Variants in CPEB1 observed in about 807,000 individuals in gnomAD.
The protein encoded by CPEB1 is cytoplasmic polyadenylation element-binding protein 1.
In CPEB1, 7 loss-of-function variants were observed where a neutral mutation model predicts 65.8. The ratio of observed to expected loss-of-function variants is 0.11; its 90% CI spans 0.06 to 0.20. The LOEUF is 0.20. CPEB1 is among the 10% of genes least tolerant of loss of function. The pLI, the probability that CPEB1 is intolerant of heterozygous loss-of-function variation, is 1.00. For missense variants in CPEB1, 551 were observed against 712.2 expected (o/e 0.77, Z 2.58); for synonymous variants, 262 against 260.0 (o/e 1.01, Z -0.08).
chr15:82,629,740 T>G (rs1423168318), intron 1 of CPEB1: 1 of 985,286 alleles, frequency 1.0e-6, no homozygotes, highest in Non-Finnish European at 1.2e-6. Flanking sequence ...ACTTAATATC[T>G]CATAAGCTGG....
chr15:82,618,216 T>G (rs1335053804), intron 3 of CPEB1, among the ~76,000 whole-genome samples: 1 of 152,102 alleles, frequency 6.6e-6, no homozygotes, highest in Admixed American at 6.6e-5. Context: ...AGTTTGACAG[T>G]TTCAGTTATT....
At chr15:82,548,641 C>G (rs1165981586) in intron 10 of CPEB1, 1 of 440,670 alleles carries the variant, frequency 2.3e-6, no homozygotes, top group Non-Finnish European at 4.6e-6. Flanking sequence ...AGCAGTTGAA[C>G]TGAACCTCTC....
chr15:82,566,323 C>A (rs868489186), intron 4 of CPEB1, among the ~76,000 whole-genome samples: 8 of 152,146 alleles, frequency 5.3e-5, no homozygotes, highest in South Asian at 2.1e-4. Context: ...AAAATCCAGA[C>A]CAGGAGCCAT....
chr15:82,598,361 G>A (rs921353155), intron 3 of CPEB1, among the ~76,000 whole-genome samples: 4 of 151,990 alleles, frequency 2.6e-5, no homozygotes, highest in Non-Finnish European at 5.9e-5. Context: ...GGGCATGGTG[G>A]CGCACACCTG....
intron 3 of CPEB1, among the ~76,000 whole-genome samples, chr15:82,594,543 C>T (rs1002588197): frequency 2.6e-5 from 4 of 152,150 alleles, no homozygotes; most frequent in Admixed American, 2.6e-4. Context: ...TCTATCTCGA[C>T]TACTCAAACT....
chr15:82,546,061 G>C (rs1278785816), intron 12 of CPEB1, among the ~76,000 whole-genome samples: 2 of 152,148 alleles, frequency 1.3e-5, no homozygotes, highest in Non-Finnish European at 2.9e-5. Flanking sequence ...TATGCTCTCA[G>C]ACACCACAGG....
intron 3 of CPEB1, among the ~76,000 whole-genome samples, chr15:82,592,229 G>C (rs28808991): frequency 0.68 from 103,908 of 151,950 alleles, 36,330 homozygotes; most frequent in African/African-American, 0.84. Flanking sequence ...AGGTTCAGTT[G>C]CAGACCACCT....
chr15:82,594,086 T>G (rs1305616174), intron 3 of CPEB1, among the ~76,000 whole-genome samples: 2 of 152,200 alleles, frequency 1.3e-5, no homozygotes, highest in Admixed American at 1.3e-4. Context: ...ACCAGTTTCA[T>G]TAGCCTGTAA....
At position 82,628,253 on chromosome 15, in the gene CPEB1, C is replaced by T. The variant is rs551153300; in HGVS notation, c.96+111G>A. The T allele has an allele frequency of 3.7e-5, 26 of 702,794 alleles. 1 individual carries two copies. The highest frequency in any genetic ancestry group is 2.5e-4 in the South Asian group (17 of 67,556). The allele number at this position is 702,794 out of a possible 1,614,324, so 43.5% of individuals were successfully genotyped here. The stretch of plus-strand genomic sequence containing the variant: ...TGTTGTACATGACTTCACAGATTTA[C>T]CACAGAGCCAATACAGGAAATCATG... On this transcript the variant is annotated intron_variant, in intron 2 of 12. Transcript: ENST00000684509.
chr15:82,577,299 T>A (rs561626720), intron 3 of CPEB1, among the ~76,000 whole-genome samples: 2 of 152,218 alleles, frequency 1.3e-5, no homozygotes, highest in Admixed American at 6.5e-5. Context: ...GCTCAAGGGA[T>A]CCTCCCACCC....
chr15:82,642,666 A>C (rs587664214), intron 1 of CPEB1, among the ~76,000 whole-genome samples: 1 of 152,224 alleles, frequency 6.6e-6, no homozygotes. Context: ...CCCCTCTACC[A>C]TAACTTCTAG....
At chr15:82,604,478 T>A (rs1000736982) in intron 3 of CPEB1, among the ~76,000 whole-genome samples, 1 of 134,406 alleles carries the variant, frequency 7.4e-6, no homozygotes, top group African/African-American at 2.8e-5. Flanking sequence ...AGAGCAAGAC[T>A]CCATCTCAAA....
chr15:82,599,285 A>G (rs1284172211), intron 3 of CPEB1, among the ~76,000 whole-genome samples: 1 of 152,206 alleles, frequency 6.6e-6, no homozygotes, highest in African/African-American at 2.4e-5. Flanking sequence ...TCATACCATC[A>G]CACTAATCTT....
chr15:82,577,515 TTA>T (rs534671483), intron 3 of CPEB1, among the ~76,000 whole-genome samples: 53 of 152,282 alleles, frequency 3.5e-4, no homozygotes, highest in Middle Eastern at 6.8e-3. Context: ...AAATCTGTTT[TTA>T]TTTTTTGAGA....
chr15:82,644,987 C>T (rs1348027727), intron 1 of CPEB1, among the ~76,000 whole-genome samples: 2 of 152,168 alleles, frequency 1.3e-5, no homozygotes, highest in Non-Finnish European at 2.9e-5. Flanking sequence ...CTGTATCAAA[C>T]GCCTATGGCC....
At position 82,544,282 on chromosome 15, in the gene CPEB1, T is replaced by TG. The variant is rs1337695436; in HGVS notation, c.*309_*310insC. Reference sequence around the variant, plus strand: ...CCTTCTGGACACGTAGTTTTTTTTTTTTTTTTTTTTTTCCCCGCTTTTCAT... The same window carrying TG: ...CCTTCTGGACACGTAGTTTTTTTTTTGTTTTTTTTTTTTCCCCGCTTTTCAT... On this transcript the variant is annotated 3_prime_UTR_variant, in exon 13 of 13. Transcript: ENST00000684509. 1 of 216,962 alleles carries TG rather than the reference T, an allele frequency of 4.6e-6. No individual in the cohort carries two copies. The highest frequency in any genetic ancestry group is 5.6e-5 in the Admixed American group (1 of 17,876). The allele number at this position is 216,962 out of a possible 1,614,324, so 13.4% of individuals were successfully genotyped here.
At chr15:82,621,499 T>G (rs2045298859) in intron 3 of CPEB1, among the ~76,000 whole-genome samples, 1 of 151,722 alleles carries the variant, frequency 6.6e-6, no homozygotes, top group Admixed American at 6.6e-5. Flanking sequence ...CACATGCCTG[T>G]AATACCAGCT....
intron 9 of CPEB1, among the ~76,000 whole-genome samples, chr15:82,550,496 A>G (rs1208423405): frequency 6.6e-6 from 1 of 152,244 alleles, no homozygotes; most frequent in Non-Finnish European, 1.5e-5. Context: ...CTCAGACAGC[A>G]TAAGCAGGAT....
At chr15:82,567,870 C>A (rs977197731) in intron 4 of CPEB1, among the ~76,000 whole-genome samples, 2 of 152,066 alleles carry the variant, frequency 1.3e-5, no homozygotes, top group Non-Finnish European at 2.9e-5. Context: ...ACAAAAGAGT[C>A]GCAAGGGGGA....
Sources: gnomAD v4.1 joint callset for allele counts (sites outside exome capture counted in the v4.1 genomes callset) on GRCh38, gnomAD v4.1.1 for gene constraint, MANE v1.5 for transcripts, NCBI Gene and HGNC (gene_info 2026-07-23, HGNC 2026-07-21) for gene names.